The following AP3D1 variants were observed in gnomAD, a reference collection of about 807,000 sequenced individuals.
The protein encoded by AP3D1 is AP-3 complex subunit delta-1.
A neutral mutation model predicts 147.6 loss-of-function variants in AP3D1; 51 were observed. The observed-to-expected ratio is 0.35, with a 90% CI of 0.28 to 0.44. AP3D1 has a LOEUF of 0.44. Among genes scored for constraint, AP3D1 ranks in the 20% least tolerant of loss-of-function variants. AP3D1 has a pLI of 1.00. For missense variants in AP3D1, 1,421 were observed against 1,624.2 expected, an observed-to-expected ratio of 0.87 and a Z score of 2.15; for synonymous variants, 760 against 663.0, an observed-to-expected ratio of 1.15 and a Z score of -2.25.
chr19:2,131,202 T>C (rs1336491938), intron 5 of AP3D1, among the ~76,000 whole-genome samples: 2 of 152,282 alleles, frequency 1.3e-5, no homozygotes, highest in African/African-American at 2.4e-5. Context: ...TGCTGATCCC[T>C]GATCTAGAAG....
chr19:2,121,961 G>A, intron 11 of AP3D1, 82 bp from the exon 12 acceptor site: 1 of 1,471,444 alleles, frequency 6.8e-7, no homozygotes, highest in African/African-American at 1.5e-5. Context: ...CTCCGGGCCG[G>A]GTCTCCACCT....
intron 1 of AP3D1, among the ~76,000 whole-genome samples, chr19:2,159,693 G>A (rs1168922756): frequency 6.9e-6 from 1 of 144,884 alleles, no homozygotes; most frequent in Non-Finnish European, 1.5e-5. Context: ...CGGCCGCCTA[G>A]CTAATTTTTG....
At chr19:2,119,867 G>C (rs995788357) in intron 14 of AP3D1, among the ~76,000 whole-genome samples, 1 of 150,644 alleles carries the variant, frequency 6.6e-6, no homozygotes, top group African/African-American at 2.4e-5. Context: ...ACTTGAACCC[G>C]AGAGGCAGAA....
intron 1 of AP3D1, among the ~76,000 whole-genome samples, chr19:2,141,123 T>G (rs967292075): frequency 6.6e-6 from 1 of 152,106 alleles, no homozygotes; most frequent in East Asian, 1.9e-4. Flanking sequence ...AAGATTATAT[T>G]ATAAACATAG....
chr19:2,143,060 A>G (rs1214951476), intron 1 of AP3D1, among the ~76,000 whole-genome samples: 1 of 150,624 alleles, frequency 6.6e-6, no homozygotes, highest in Non-Finnish European at 1.5e-5. Context: ...CACCACGCCC[A>G]GCCTCTTTTT....
Position 2,121,329 on chromosome 19 carries a change from G to C in AP3D1, c.1102-18C>G, listed in dbSNP as rs750920307. On this transcript the variant is annotated intron_variant, in intron 12 of 31. Transcript: ENST00000643116. Reference sequence around the variant, plus strand: ...TTGGACACCTGGGCAAAAGTGTACAGACAGTGGTGAGAGCGGACCCAGCCT... The same window carrying C: ...TTGGACACCTGGGCAAAAGTGTACACACAGTGGTGAGAGCGGACCCAGCCT... The C allele has an allele frequency of 1.2e-6, 2 of 1,613,680 alleles. No homozygotes were observed. Among genetic ancestry groups the C allele is most frequent in the South Asian group, 2.2e-5 (2 of 91,074 alleles).
At position 2,114,793 on chromosome 19, in the gene AP3D1, T is replaced by C. The variant is rs1192540091; in HGVS notation, c.2378A>G (p.Lys793Arg). 9 of 1,614,084 alleles carry C rather than the reference T, an allele frequency of 5.6e-6. No homozygotes were observed. The highest frequency in any genetic ancestry group is 1.6e-4 in the Middle Eastern group (1 of 6,062). Reference protein sequence around the residue: ...ENALPSDEDDKDPNDPYRALD... With the variant: ...ENALPSDEDDRDPNDPYRALD... ...AGCCCTGTAGGGGTCGTTGGGGTCT[T>C]TGTCATCCTCGTCGCTGGGCAGAGC... is the stretch of plus-strand genomic sequence containing the variant. The change falls in exon 21 of 32, where the codon AAA becomes AGA. Residue 793 changes from lysine to arginine, a missense_variant. Lys to Arg is a conservative substitution (Grantham distance 26). Transcript: ENST00000643116.
chr19:2,108,909 G>A lies in AP3D1; in HGVS notation c.3473-143C>T, dbSNP rs1413871996. ...AGCAGGGTGTGGCCCTGAGAGGCCT[G>A]GGGTGTGGGGAATGCAGCCCCCGCA... On this transcript the variant is annotated intron_variant, in intron 30 of 31. Transcript: ENST00000643116. 1.2e-5 allele frequency: 16 copies of A among 1,297,034 alleles called. No individual in the cohort carries two copies. The Admixed American group carries it at 1.8e-4, about 14-fold the overall frequency. The allele number at this position is 1,297,034 out of a possible 1,614,324, so 80.3% of individuals were successfully genotyped here. A position where few individuals can be genotyped will look rare whatever the true frequency, so the allele number is the denominator to read the frequency against.
intron 1 of AP3D1, among the ~76,000 whole-genome samples, chr19:2,147,728 T>A (rs937120322): frequency 4.0e-5 from 6 of 148,622 alleles, no homozygotes; most frequent in Admixed American, 3.4e-4. Context: ...ACCCCATCTC[T>A]ACTAAAAATA....
chr19:2,154,464 A>T (rs2019629348), upstream of AP3D1, among the ~76,000 whole-genome samples: 2 of 151,528 alleles, frequency 1.3e-5, no homozygotes. Context: ...ATTTTAGTAG[A>T]GACAGGGTTT....
At position 2,115,629 on chromosome 19, in the gene AP3D1, C is replaced by A; in HGVS notation, c.2074-16G>T. ...CCTGGTACCGCTGCAAAGGCAACAC[C>A]CAGGCGTTACCGGTGCACCGAGGGG... On this transcript the variant is annotated splice_polypyrimidine_tract_variant and intron_variant, in intron 18 of 31. Coordinates refer to ENST00000643116, the MANE Select transcript of AP3D1 (RefSeq NM_001261826.3). The A allele has an allele frequency of 6.2e-7, 1 of 1,607,008 alleles. No homozygotes were observed. The highest frequency in any genetic ancestry group is 8.5e-7 in the Non-Finnish European group (1 of 1,175,994).
At position 2,123,345 on chromosome 19, in the gene AP3D1, G is replaced by C; in HGVS notation, c.955+13C>G. 1.2e-6 allele frequency: 2 copies of C among 1,612,328 alleles called. No individual in the cohort carries two copies. Among genetic ancestry groups the C allele is most frequent in the Non-Finnish European group, 1.7e-6 (2 of 1,179,562 alleles). On this transcript the variant is annotated intron_variant, in intron 11 of 31. Coordinates refer to ENST00000643116, the MANE Select transcript of AP3D1 (RefSeq NM_001261826.3). ...GACACGAAAATGACAGCACTGGGGA[G>C]GGGATGACTCACAGTTCTGATCGGA...
chr19:2,135,857 C>A (rs189920858), intron 4 of AP3D1, among the ~76,000 whole-genome samples: 81 of 152,238 alleles, frequency 5.3e-4, no homozygotes, highest in African/African-American at 1.9e-3. Context: ...CACCTGGGTA[C>A]CTAGGGCGGC....
intron 1 of AP3D1, chr19:2,164,011 G>C: frequency 4.1e-6 from 1 of 244,218 alleles, no homozygotes; most frequent in Non-Finnish European, 7.0e-6. Context: ...AGGGAGTCGG[G>C]GGCCGGGCCG....
intron 9 of AP3D1, among the ~76,000 whole-genome samples, chr19:2,124,147 T>C (rs796875890): frequency 2.0e-5 from 3 of 152,308 alleles, no homozygotes; most frequent in African/African-American, 7.2e-5. Context: ...ACTGGTTCAC[T>C]CGCAACCCCT....
At chr19:2,144,411 G>C (rs920564479) in intron 1 of AP3D1, among the ~76,000 whole-genome samples, 2 of 152,262 alleles carry the variant, frequency 1.3e-5, no homozygotes, top group Admixed American at 1.3e-4. Context: ...CCCACACCGG[G>C]ACCTACCTCC....
At chr19:2,109,248 C>A in intron 29 of AP3D1, 41 bp from the exon 30 acceptor site, 2 of 1,529,802 alleles carry the variant, frequency 1.3e-6, no homozygotes, top group Non-Finnish European at 1.7e-6. Context: ...TGGGGCCGGG[C>A]TCCTCAGGCT....
intron 4 of AP3D1, among the ~76,000 whole-genome samples, chr19:2,136,732 G>A (rs1177905840): frequency 1.3e-5 from 2 of 152,198 alleles, no homozygotes; most frequent in African/African-American, 2.4e-5. Context: ...GTGGACCCTG[G>A]AGCCCCATTC....
At chr19:2,150,015 T>A (rs1568310804) in intron 1 of AP3D1, among the ~76,000 whole-genome samples, 2 of 151,932 alleles carry the variant, frequency 1.3e-5, no homozygotes, top group African/African-American at 4.8e-5. Flanking sequence ...GGAAGTGGGG[T>A]GGAGAAGAAC....
Sources: gnomAD v4.1 joint callset for allele counts (sites outside exome capture counted in the v4.1 genomes callset) on GRCh38, gnomAD v4.1.1 for gene constraint, MANE v1.5 for transcripts, NCBI Gene and HGNC (gene_info 2026-07-23, HGNC 2026-07-21) for gene names.